The following CDH13 variants were observed in gnomAD, a reference collection of about 807,000 sequenced individuals.
The protein encoded by CDH13 is cadherin 13, also known as cadherin-13.
In CDH13, 24 loss-of-function variants were observed where a neutral mutation model predicts 63.8. That is an observed-to-expected ratio of 0.38 (90% CI 0.27 to 0.53). CDH13 has a LOEUF of 0.53. Ranked by LOEUF, CDH13 falls within the 20% of genes least tolerant of loss-of-function variation. The pLI, the probability that CDH13 is intolerant of heterozygous loss-of-function variation, is 0.85. For missense variants in CDH13, 1,049 were observed against 903.1 expected (o/e 1.16, Z -2.07); for synonymous variants, 503 against 355.3 (o/e 1.42, Z -4.67).
chr16:83,785,347 G>C (rs547430231), intron 13 of CDH13, among the ~76,000 whole-genome samples: 1 of 152,280 alleles, frequency 6.6e-6, no homozygotes, highest in East Asian at 1.9e-4. Flanking sequence ...CACATGATGG[G>C]AGAGGCAAGG....
chr16:83,320,365 C>A (rs2090196028), intron 5 of CDH13, among the ~76,000 whole-genome samples: 1 of 151,956 alleles, frequency 6.6e-6, no homozygotes, highest in Non-Finnish European at 1.5e-5. Flanking sequence ...CTTTTCAGAC[C>A]CAGACCAAAG....
At chr16:83,593,715 A>G (rs1906982946) in intron 7 of CDH13, among the ~76,000 whole-genome samples, 1 of 152,118 alleles carries the variant, frequency 6.6e-6, no homozygotes, top group South Asian at 2.1e-4. Flanking sequence ...AATATGACTA[A>G]TTGTTACATA....
chr16:83,143,277 A>T (rs1013521560), intron 4 of CDH13, among the ~76,000 whole-genome samples: 3 of 152,236 alleles, frequency 2.0e-5, no homozygotes, highest in African/African-American at 4.8e-5. Flanking sequence ...TTGATCCAAT[A>T]TGTCAAGTAC....
rs1016036343 is a variant in CDH13 at position 83,414,512 on chromosome 16, G to T, written c.781+69506G>T. 2.0e-5 allele frequency among the ~76,000 whole-genome samples: 3 copies of T among 152,008 alleles called. No homozygotes were observed. The South Asian group carries it at 6.2e-4, about 32-fold the overall frequency. On this transcript the variant is annotated intron_variant, in intron 6 of 13. Coordinates refer to ENST00000567109, the MANE Select transcript of CDH13 (RefSeq NM_001257.5). The stretch of plus-strand genomic sequence containing the variant: ...TAGGTACAGCATTGTATGGCAGATT[G>T]CTAGAACCCCTTCATCTTGTTTAAT...
At chr16:83,431,927 A>G (rs923395485) in intron 6 of CDH13, among the ~76,000 whole-genome samples, 2 of 152,214 alleles carry the variant, frequency 1.3e-5, no homozygotes, top group African/African-American at 4.8e-5. Flanking sequence ...TTGCAGTGAT[A>G]CATACGGCCA....
At chr16:82,757,662 G>GGGACAGAGTCTCTCTTT (rs2034667254) in intron 1 of CDH13, among the ~76,000 whole-genome samples, 1 of 101,878 alleles carries the variant, frequency 9.8e-6, no homozygotes, top group Non-Finnish European at 2.4e-5. Context: ...TTTTTTTTTT[G>GGGACAGAGTCTCTCTTT]GGGACAGAGT....
At chr16:83,049,898 A>T (rs1483293805) in intron 3 of CDH13, among the ~76,000 whole-genome samples, 1 of 152,186 alleles carries the variant, frequency 6.6e-6, no homozygotes, top group Non-Finnish European at 1.5e-5. Flanking sequence ...AAGATTTATG[A>T]GTTACATAAT....
intron 1 of CDH13, among the ~76,000 whole-genome samples, chr16:82,740,733 T>A (rs2033889330): frequency 6.6e-6 from 1 of 152,204 alleles, no homozygotes. Context: ...CACATGATGC[T>A]TCTTGAAGTC....
chr16:82,727,210 C>G (rs2033146913), intron 1 of CDH13, among the ~76,000 whole-genome samples: 1 of 152,118 alleles, frequency 6.6e-6, no homozygotes, highest in Non-Finnish European at 1.5e-5. Context: ...TTCCATTGTT[C>G]TCCTTTGTGG....
intron 1 of CDH13, among the ~76,000 whole-genome samples, chr16:82,803,243 C>T (rs1155005): frequency 0.45 from 67,757 of 152,060 alleles, 15,430 homozygotes; most frequent in African/African-American, 0.53. Flanking sequence ...ACCACAAAGA[C>T]GTGGAGAGGT....
chr16:83,613,382 T>C (rs1000182134), intron 8 of CDH13, among the ~76,000 whole-genome samples: 3 of 152,228 alleles, frequency 2.0e-5, no homozygotes, highest in Non-Finnish European at 4.4e-5. Context: ...TAATTTTATA[T>C]ATGAATGTGT....
At chr16:83,363,404 C>T (rs1391134792) in intron 6 of CDH13, among the ~76,000 whole-genome samples, 3 of 152,074 alleles carry the variant, frequency 2.0e-5, no homozygotes, top group Admixed American at 6.6e-5. Context: ...GCATTGTGGG[C>T]TAGGGAGGAA....
intron 2 of CDH13, among the ~76,000 whole-genome samples, chr16:82,979,453 G>T (rs1039830384): frequency 6.6e-6 from 1 of 152,088 alleles, no homozygotes; most frequent in African/African-American, 2.4e-5. Context: ...AGGGACGTGG[G>T]GGGAGACGAC....
intron 2 of CDH13, among the ~76,000 whole-genome samples, chr16:83,010,135 C>CAG: frequency 2.0e-5 from 1 of 50,118 alleles, no homozygotes; most frequent in Non-Finnish European, 3.4e-5. Context: ...AACTCTGTCT[C>CAG]AAAAAAAAAA....
chr16:82,694,502 A>G (rs949889220), intron 1 of CDH13, among the ~76,000 whole-genome samples: 1 of 152,134 alleles, frequency 6.6e-6, no homozygotes, highest in Non-Finnish European at 1.5e-5. Context: ...GTTTTATCTC[A>G]ACTTTATTTA....
chr16:82,656,765 A>G (rs1376697770), intron 1 of CDH13, among the ~76,000 whole-genome samples: 1 of 152,166 alleles, frequency 6.6e-6, no homozygotes, highest in Non-Finnish European at 1.5e-5. Flanking sequence ...AACCCCTGGC[A>G]ATCCACCGAT....
At chr16:83,506,886 C>G (rs1331970691) in intron 7 of CDH13, among the ~76,000 whole-genome samples, 1 of 152,198 alleles carries the variant, frequency 6.6e-6, no homozygotes, top group Non-Finnish European at 1.5e-5. Flanking sequence ...CTTCTAGCCC[C>G]CATCAAGCTT....
At chr16:83,680,314 G>A (rs1754489867) in intron 10 of CDH13, among the ~76,000 whole-genome samples, 1 of 152,178 alleles carries the variant, frequency 6.6e-6, no homozygotes, top group South Asian at 2.1e-4. Flanking sequence ...AGGCACCTTG[G>A]CTAGTGATCA....
intron 1 of CDH13, among the ~76,000 whole-genome samples, chr16:82,793,188 T>C (rs1430376676): frequency 6.6e-6 from 1 of 152,182 alleles, no homozygotes; most frequent in Non-Finnish European, 1.5e-5. Flanking sequence ...AGTGAAGCCA[T>C]TGTGTCGCCT....
Sources: gnomAD v4.1 joint callset for allele counts (sites outside exome capture counted in the v4.1 genomes callset) on GRCh38, gnomAD v4.1.1 for gene constraint, MANE v1.5 for transcripts, NCBI Gene and HGNC (gene_info 2026-07-23, HGNC 2026-07-21) for gene names.